HMG20A: variants seen among roughly 807,000 people sequenced by gnomAD.
The protein encoded by HMG20A is high mobility group 20A, also known as high mobility group protein 20A.
Under a neutral mutation model 43.9 loss-of-function variants are expected in HMG20A, and 17 were observed. The observed-to-expected ratio is 0.39, with a 90% CI of 0.27 to 0.58. The LOEUF (loss-of-function observed/expected upper bound fraction) is 0.58, where lower values mean the gene tolerates loss of function less well. Ranked by LOEUF, HMG20A falls within the 20% of genes least tolerant of loss-of-function variation. HMG20A has a pLI of 0.59. For synonymous variants in HMG20A, 132 were observed against 147.5 expected, an observed-to-expected ratio of 0.89 and a Z score of 0.76; for missense variants, 341 against 438.2, an observed-to-expected ratio of 0.78 and a Z score of 1.98.
intron 7 of HMG20A, among the ~76,000 whole-genome samples, chr15:77,477,972 A>G (rs1321723684): frequency 1.3e-5 from 2 of 152,210 alleles, no homozygotes; most frequent in Non-Finnish European, 2.9e-5. Context: ...CCAGTCTCCC[A>G]GGATCCCCCT....
chr15:77,471,713 G>A (rs1292605738), intron 5 of HMG20A, 70 bp from the exon 6 acceptor site: 1 of 931,572 alleles, frequency 1.1e-6, no homozygotes, highest in African/African-American at 1.6e-5. Context: ...GTTTGGCAGA[G>A]TCGTATACTT....
chr15:77,458,113 T>C, intron 1 of HMG20A: 1 of 238,520 alleles, frequency 4.2e-6, no homozygotes, highest in East Asian at 1.2e-4. Context: ...CTACAGGAAA[T>C]GAATACTTTT....
intron 1 of HMG20A, among the ~76,000 whole-genome samples, chr15:77,453,848 T>C (rs531420606): frequency 2.0e-5 from 3 of 152,152 alleles, no homozygotes; most frequent in African/African-American, 7.2e-5. Flanking sequence ...ATTCTATTTA[T>C]ATGAAATATC....
At chr15:77,443,716 T>C (rs2073641791) in intron 1 of HMG20A, among the ~76,000 whole-genome samples, 1 of 151,688 alleles carries the variant, frequency 6.6e-6, no homozygotes, top group South Asian at 2.1e-4. Context: ...TTTATTATTA[T>C]TATTATTACG....
chr15:77,451,341 C>T (rs2072600148), intron 1 of HMG20A, among the ~76,000 whole-genome samples: 1 of 152,110 alleles, frequency 6.6e-6, no homozygotes, highest in Non-Finnish European at 1.5e-5. Flanking sequence ...AAAAAACTTC[C>T]TGTCTTTTGA....
chr15:77,432,798 T>C (rs1419705219), intron 1 of HMG20A, among the ~76,000 whole-genome samples: 2 of 148,844 alleles, frequency 1.3e-5, no homozygotes, highest in African/African-American at 5.0e-5. Context: ...TTAAAAAGAT[T>C]AGTAAAATGC....
At chr15:77,457,910 A>G (rs1193996959) in intron 1 of HMG20A, among the ~76,000 whole-genome samples, 2 of 152,132 alleles carry the variant, frequency 1.3e-5, no homozygotes, top group Non-Finnish European at 2.9e-5. Flanking sequence ...ATCTTTCTTT[A>G]TATAATACTC....
the HMG20A span, among the ~76,000 whole-genome samples, chr15:77,500,605 GT>G: frequency 6.9e-6 from 1 of 143,928 alleles, no homozygotes; most frequent in African/African-American, 2.6e-5. Context: ...TTGTGCTCTT[GT>G]CTCCCAGGCT....
At chr15:77,423,641 G>A (rs551963491) in intron 1 of HMG20A, among the ~76,000 whole-genome samples, 4 of 152,198 alleles carry the variant, frequency 2.6e-5, no homozygotes, top group South Asian at 2.1e-4. Context: ...TAAAACCGTA[G>A]GTCACAATTC....
chr15:77,446,338 G>C (rs1046638723), intron 1 of HMG20A, among the ~76,000 whole-genome samples: 1 of 151,060 alleles, frequency 6.6e-6, no homozygotes, highest in African/African-American at 2.4e-5. Context: ...AGTGTTGTTG[G>C]GATTTTTAAA....
chr15:77,519,144 A>G, the HMG20A span, among the ~76,000 whole-genome samples: 1 of 152,210 alleles, frequency 6.6e-6, no homozygotes, highest in Non-Finnish European at 1.5e-5. Context: ...AGTGATATAG[A>G]AAAAAGATGA....
intron 1 of HMG20A, among the ~76,000 whole-genome samples, chr15:77,439,345 A>G (rs2073585652): frequency 6.6e-6 from 1 of 152,168 alleles, no homozygotes; most frequent in African/African-American, 2.4e-5. Context: ...ACATAGATAT[A>G]TATGTGCCTG....
At chr15:77,453,985 C>T (rs1371586855) in intron 1 of HMG20A, among the ~76,000 whole-genome samples, 1 of 145,904 alleles carries the variant, frequency 6.9e-6, no homozygotes, top group Non-Finnish European at 1.5e-5. Flanking sequence ...GCCTGGGCAA[C>T]ATAGCGAAAC....
chr15:77,515,251 G>C, the HMG20A span, among the ~76,000 whole-genome samples: 3 of 152,184 alleles, frequency 2.0e-5, no homozygotes, highest in African/African-American at 7.2e-5. Context: ...GGAAAAGGGG[G>C]AGTGTATGTC....
chr15:77,425,600 AAG>A, intron 1 of HMG20A, among the ~76,000 whole-genome samples: 1 of 150,902 alleles, frequency 6.6e-6, no homozygotes, highest in Non-Finnish European at 1.5e-5. Flanking sequence ...AATTGGAAAA[AAG>A]TAAATTGTTA....
intron 1 of HMG20A, among the ~76,000 whole-genome samples, chr15:77,428,218 G>A (rs575633441): frequency 2.4e-4 from 37 of 152,302 alleles, no homozygotes; most frequent in African/African-American, 8.4e-4. Context: ...GGCCTTCTGT[G>A]TTCTCCCTGA....
the HMG20A span, among the ~76,000 whole-genome samples, chr15:77,518,238 TA>T: frequency 0.012 from 1,762 of 152,230 alleles, 40 homozygotes; most frequent in African/African-American, 0.04. Flanking sequence ...GGGGAGCCGA[TA>T]GGGGAGGCTC....
chr15:77,475,904 T>C (rs1474696666), intron 6 of HMG20A, among the ~76,000 whole-genome samples: 1 of 152,218 alleles, frequency 6.6e-6, no homozygotes, highest in Non-Finnish European at 1.5e-5. Context: ...CTTGGGACTT[T>C]CGATTGATAA....
chr15:77,460,587 T>C (rs1345008502), intron 2 of HMG20A, among the ~76,000 whole-genome samples: 1 of 152,200 alleles, frequency 6.6e-6, no homozygotes, highest in Non-Finnish European at 1.5e-5. Context: ...GCATATAACA[T>C]TCAAAGCCGT....
Sources: gnomAD v4.1 joint callset for allele counts (sites outside exome capture counted in the v4.1 genomes callset) on GRCh38, gnomAD v4.1.1 for gene constraint, MANE v1.5 for transcripts, NCBI Gene and HGNC (gene_info 2026-07-23, HGNC 2026-07-21) for gene names.